The following CEP135 variants were observed in gnomAD, a reference collection of about 807,000 sequenced individuals.
The protein encoded by CEP135 is centrosomal protein of 135 kDa.
In CEP135, 142 loss-of-function variants were observed where a neutral mutation model predicts 157.3. The ratio of observed to expected loss-of-function variants is 0.90; its 90% CI spans 0.79 to 1.04. The LOEUF is 1.04. Among genes scored for constraint, CEP135 ranks in the 50% least tolerant of loss-of-function variants. The pLI is 0.00. For synonymous variants in CEP135, 396 were observed against 439.8 expected (o/e 0.90, Z 1.25); for missense variants, 1,317 against 1,309.2 (o/e 1.01, Z -0.09).
intron 15 of CEP135, among the ~76,000 whole-genome samples, chr4:55,995,644 GA>G (rs1398840793): frequency 6.6e-6 from 1 of 151,998 alleles, no homozygotes; most frequent in African/African-American, 2.4e-5. Flanking sequence ...ATTTTCTATT[GA>G]AATTTTTTTT....
At chr4:55,990,948 A>T (rs1407874092) in intron 14 of CEP135, among the ~76,000 whole-genome samples, 1 of 151,912 alleles carries the variant, frequency 6.6e-6, no homozygotes, top group African/African-American at 2.4e-5. Context: ...GCGCATTTGT[A>T]TGTGAAATCT....
chr4:56,009,225 G>C (rs192687841), intron 18 of CEP135, among the ~76,000 whole-genome samples: 2 of 152,128 alleles, frequency 1.3e-5, no homozygotes, highest in African/African-American at 4.8e-5. Context: ...GCAGTGGGGC[G>C]ATCTCGGCTC....
chr4:55,964,426 A>G, intron 7 of CEP135, 24 bp downstream of exon 7: 1 of 1,560,198 alleles, frequency 6.4e-7, no homozygotes, highest in Non-Finnish European at 8.8e-7. Flanking sequence ...TAATTATTTC[A>G]CTGAGTGTAT....
In CEP135 at chr4:55,961,764, TAAAAAAAAAAAAAAAAA is replaced by T. The variant is rs564116620; in HGVS notation, c.699+2013_699+2029del. ...GGGCAACAAGAGCGAAAACTCTGTC[TAAAAAAAAAAAAAAAAA>T]AAAAAAAAAAAAAATCCATCTTCTG... On this transcript the variant is annotated intron_variant, in intron 6 of 25. Coordinates refer to ENST00000257287, the MANE Select transcript of CEP135 (RefSeq NM_025009.5). 9.4e-3 allele frequency among the ~76,000 whole-genome samples: 508 copies of T among 54,236 alleles called. 18 individuals carry two copies. The highest frequency in any genetic ancestry group is 5.5e-3 in the Non-Finnish European group (173 of 31,314). The allele number at this position is 54,236 out of a possible 152,430, so 35.6% of individuals were successfully genotyped here.
intron 10 of CEP135, among the ~76,000 whole-genome samples, chr4:55,973,432 A>G (rs1729092842): frequency 6.6e-6 from 1 of 152,194 alleles, no homozygotes; most frequent in South Asian, 2.1e-4. Flanking sequence ...TTCCTAAAAG[A>G]AGGGAAGCTA....
At chr4:56,011,195 A>G (rs1730570552) in intron 19 of CEP135, among the ~76,000 whole-genome samples, 1 of 152,192 alleles carries the variant, frequency 6.6e-6, no homozygotes, top group African/African-American at 2.4e-5. Context: ...TGATCACGCC[A>G]TTGCACTTCA....
rs143860899 is a variant in CEP135, at chr4:56,032,747, A to G, written c.*1399A>G. 6.6e-6 allele frequency: 1 copy of G among 152,346 alleles called. No individual in the cohort carries two copies. The highest frequency in any genetic ancestry group is 2.1e-4 in the South Asian group (1 of 4,826). The allele number at this position is 152,346 out of a possible 1,614,324, so 9.4% of individuals were successfully genotyped here. A position where few individuals can be genotyped will look rare whatever the true frequency, so the allele number is the denominator to read the frequency against. On this transcript the variant is annotated 3_prime_UTR_variant, in exon 26 of 26. Transcript: ENST00000257287. ...ATCGTGAAGAAAATCTGTTCTTAAT[A>G]TATTTCATTATGATTGAAAAACATA...
chr4:55,960,336 C>A (rs1048475884), intron 6 of CEP135: 9 of 152,572 alleles, frequency 5.9e-5, no homozygotes, highest in African/African-American at 1.9e-4. Flanking sequence ...AGTCCTCATA[C>A]AACAGTTTTC....
Position 55,967,896 on chromosome 4 carries a change from T to A in CEP135, c.1045-1167T>A, listed in dbSNP as rs569788081. Among the ~76,000 whole-genome samples the A allele has an allele frequency of 2.0e-5, 3 of 152,332 alleles. No homozygotes were observed. In the East Asian group the frequency reaches 5.8e-4, roughly 29 times the overall value. On this transcript the variant is annotated intron_variant, in intron 8 of 25. Coordinates refer to ENST00000257287, the MANE Select transcript of CEP135 (RefSeq NM_025009.5). ...GAAGGATTCCCACTCTTGTCACTGC[T>A]GCTCAACATAGTACTGGAAGTCCTA...
At chr4:56,002,290 G>T (rs751230467) in intron 17 of CEP135, among the ~76,000 whole-genome samples, 5 of 151,926 alleles carry the variant, frequency 3.3e-5, no homozygotes, top group Non-Finnish European at 7.4e-5. Flanking sequence ...TTAAATAAAA[G>T]TGTGAAAGTG....
intron 25 of CEP135, among the ~76,000 whole-genome samples, chr4:56,028,262 T>C (rs1259033450): frequency 2.0e-5 from 3 of 152,188 alleles, no homozygotes; most frequent in Admixed American, 2.0e-4. Flanking sequence ...GTGGGTCATA[T>C]GGTAATTCTG....
chr4:55,960,428 C>G (rs571002823), intron 6 of CEP135: 2 of 152,190 alleles, frequency 1.3e-5, no homozygotes, highest in African/African-American at 4.8e-5. Context: ...CTATTGATGT[C>G]TTGGCTAAAT....
chr4:56,009,586 A>G (rs1051252437), intron 18 of CEP135, 149 bp from the exon 19 acceptor site: 3 of 617,742 alleles, frequency 4.9e-6, no homozygotes, highest in Non-Finnish European at 5.3e-6. Context: ...TGTTCTACCT[A>G]ATTAATAGGT....
intron 10 of CEP135, among the ~76,000 whole-genome samples, chr4:55,972,887 C>G (rs1250067124): frequency 3.9e-5 from 6 of 152,106 alleles, no homozygotes; most frequent in Non-Finnish European, 7.4e-5. Context: ...CAAAAACTAG[C>G]TGGGCGTGGT....
At chr4:55,961,829 T>G (rs1728691185) in intron 6 of CEP135, among the ~76,000 whole-genome samples, 1 of 150,518 alleles carries the variant, frequency 6.6e-6, no homozygotes, top group African/African-American at 2.4e-5. Context: ...TGTCTCAACT[T>G]TCTATCTCTA....
chr4:55,953,989 G>A (rs978586438), intron 3 of CEP135, among the ~76,000 whole-genome samples: 4 of 152,140 alleles, frequency 2.6e-5, no homozygotes, highest in East Asian at 1.9e-4. Flanking sequence ...TATGATGTAC[G>A]TTAGGCTAAT....
intron 18 of CEP135, among the ~76,000 whole-genome samples, chr4:56,008,697 C>T (rs1291772418): frequency 2.6e-5 from 4 of 152,270 alleles, no homozygotes; most frequent in Middle Eastern, 3.4e-3. Context: ...TAGCCAATCT[C>T]GAATTTATTC....
At chr4:56,014,643 C>A (rs772791067) in intron 21 of CEP135, among the ~76,000 whole-genome samples, 1 of 151,896 alleles carries the variant, frequency 6.6e-6, no homozygotes, top group South Asian at 2.1e-4. Context: ...AAGCAAAGTG[C>A]GGAAGAGACA....
intron 4 of CEP135, 22 bp from the exon 5 acceptor site, chr4:55,957,201 T>A: frequency 6.2e-7 from 1 of 1,607,820 alleles, no homozygotes; most frequent in Non-Finnish European, 8.5e-7. Context: ...TCTTAGTTTT[T>A]TAAGACACTC....
Sources: allele counts gnomAD v4.1 joint callset (sites outside exome capture counted in the v4.1 genomes callset), GRCh38; gene constraint gnomAD v4.1.1; transcripts MANE v1.5; gene names NCBI Gene and HGNC (gene_info 2026-07-23, HGNC 2026-07-21).